The following MAN2A1 variants were observed in gnomAD, a reference collection of about 807,000 sequenced individuals.
MAN2A1 encodes the protein alpha-mannosidase 2.
In MAN2A1, 76 loss-of-function variants were observed where a neutral mutation model predicts 142.6. The ratio of observed to expected loss-of-function variants is 0.53; its 90% CI spans 0.44 to 0.65. The LOEUF (loss-of-function observed/expected upper bound fraction) is 0.65, where lower values mean the gene tolerates loss of function less well. Among genes scored for constraint, MAN2A1 ranks in the 30% least tolerant of loss-of-function variants. The pLI, the probability that MAN2A1 is intolerant of heterozygous loss-of-function variation, is 0.00. For synonymous variants in MAN2A1, 559 were observed against 473.2 expected (o/e 1.18, Z -2.35); for missense variants, 1,311 against 1,365.1 (o/e 0.96, Z 0.62).
intron 5 of MAN2A1, among the ~76,000 whole-genome samples, chr5:109,761,901 A>G (rs1030713582): frequency 1.2e-4 from 19 of 152,064 alleles, no homozygotes; most frequent in African/African-American, 4.3e-4. Flanking sequence ...TCTTATCAAC[A>G]TTTTAATTAC....
chr5:109,721,224 T>C (rs1261758934), intron 3 of MAN2A1, among the ~76,000 whole-genome samples: 1 of 152,224 alleles, frequency 6.6e-6, no homozygotes, highest in Admixed American at 6.5e-5. Context: ...TGCCTGATTG[T>C]AAAATCTGTG....
At chr5:109,723,284 A>T (rs981594348) in intron 3 of MAN2A1, among the ~76,000 whole-genome samples, 1 of 152,196 alleles carries the variant, frequency 6.6e-6, no homozygotes, top group African/African-American at 2.4e-5. Context: ...AAACTATTAA[A>T]TGACACTGAA....
At chr5:109,711,590 C>T (rs746798037) in intron 1 of MAN2A1, among the ~76,000 whole-genome samples, 6 of 152,140 alleles carry the variant, frequency 3.9e-5, no homozygotes, top group East Asian at 1.9e-4. Flanking sequence ...GTTTATAGGA[C>T]GATACTACTC....
At chr5:109,789,792 A>G (rs1753691115) in intron 12 of MAN2A1, among the ~76,000 whole-genome samples, 2 of 151,850 alleles carry the variant, frequency 1.3e-5, no homozygotes, top group Non-Finnish European at 2.9e-5. Context: ...ATAGCTTATA[A>G]AACATTTTCT....
chr5:109,718,514 C>G (rs774216368), intron 3 of MAN2A1, among the ~76,000 whole-genome samples: 10 of 152,166 alleles, frequency 6.6e-5, no homozygotes, highest in Admixed American at 2.6e-4. Flanking sequence ...GACAATTTAC[C>G]TGGATCTCCC....
intron 12 of MAN2A1, among the ~76,000 whole-genome samples, chr5:109,790,314 T>A (rs1451251749): frequency 6.6e-6 from 1 of 151,846 alleles, no homozygotes; most frequent in Non-Finnish European, 1.5e-5. Context: ...TTTATTAAAA[T>A]TATTTAAAAA....
intron 16 of MAN2A1, among the ~76,000 whole-genome samples, chr5:109,826,974 C>T (rs1754775945): frequency 6.6e-6 from 1 of 152,190 alleles, no homozygotes; most frequent in African/African-American, 2.4e-5. Context: ...TGGCTTTTAG[C>T]TAGTATTGCA....
Position 109,867,157 on chromosome 5 carries a change from GAAAAAAA to G in MAN2A1, c.*174_*180del, listed in dbSNP as rs11351742. 5.3e-5 allele frequency: 5 copies of G among 93,820 alleles called. No individual in the cohort carries two copies. Among genetic ancestry groups the G allele is most frequent in the East Asian group, 6.8e-4 (2 of 2,942 alleles). The allele number at this position is 93,820 out of a possible 1,614,324, so 5.8% of individuals were successfully genotyped here. A position where few individuals can be genotyped will look rare whatever the true frequency, so the allele number is the denominator to read the frequency against. On this transcript the variant is annotated 3_prime_UTR_variant, in exon 22 of 22. Coordinates refer to ENST00000261483, the MANE Select transcript of MAN2A1 (RefSeq NM_002372.4). ...CTTTTTTCTTTTACCAGTACAGTAA[GAAAAAAA>G]AAAAAAAAAAAAAAGCCATGCTATC...
chr5:109,827,112 T>C (rs1754779505), intron 16 of MAN2A1, among the ~76,000 whole-genome samples: 3 of 152,224 alleles, frequency 2.0e-5, no homozygotes, highest in Non-Finnish European at 4.4e-5. Context: ...TAGAGCCTAT[T>C]TGTTGTTAGT....
chr5:109,715,522 A>G (rs566976353), intron 2 of MAN2A1, among the ~76,000 whole-genome samples: 1 of 152,190 alleles, frequency 6.6e-6, no homozygotes, highest in East Asian at 1.9e-4. Flanking sequence ...AGGATACATA[A>G]AAGCTAAATC....
chr5:109,741,595 G>A (rs1017770686), intron 4 of MAN2A1, among the ~76,000 whole-genome samples: 1 of 152,134 alleles, frequency 6.6e-6, no homozygotes, highest in African/African-American at 2.4e-5. Context: ...GTTAATTCCA[G>A]CAGAGTTCCA....
Position 109,690,350 on chromosome 5 carries a change from C to G in MAN2A1, c.-68C>G. The G allele has an allele frequency of 6.3e-7, 1 of 1,580,038 alleles. No homozygotes were observed. The highest frequency in any genetic ancestry group is 1.1e-5 in the South Asian group (1 of 90,284). On this transcript the variant is annotated 5_prime_UTR_variant, in exon 1 of 22. Coordinates refer to ENST00000261483, the MANE Select transcript of MAN2A1 (RefSeq NM_002372.4). Reference sequence around the variant, plus strand: ...GAAGGGAGCCTCCGGCGGCTGCTTCCTAGAGTCCACAGTGCGCTGTCTCCT... The same window carrying G: ...GAAGGGAGCCTCCGGCGGCTGCTTCGTAGAGTCCACAGTGCGCTGTCTCCT...
intron 20 of MAN2A1, among the ~76,000 whole-genome samples, chr5:109,860,571 T>C (rs1755729922): frequency 6.6e-6 from 1 of 152,218 alleles, no homozygotes; most frequent in African/African-American, 2.4e-5. Context: ...GGCCCCTCTC[T>C]TCCCCACAAA....
intron 4 of MAN2A1, among the ~76,000 whole-genome samples, chr5:109,735,229 A>T (rs1752053736): frequency 6.6e-6 from 1 of 151,864 alleles, no homozygotes; most frequent in Admixed American, 6.6e-5. Flanking sequence ...TGCTTGGTAG[A>T]TCTTCCTCCA....
intron 4 of MAN2A1, among the ~76,000 whole-genome samples, chr5:109,741,745 C>G (rs565286855): frequency 2.0e-5 from 3 of 152,294 alleles, no homozygotes; most frequent in Admixed American, 2.0e-4. Flanking sequence ...TATTATTCAA[C>G]TCTATAAGCT....
At chr5:109,799,562 C>T (rs1170453967) in intron 12 of MAN2A1, among the ~76,000 whole-genome samples, 1 of 152,034 alleles carries the variant, frequency 6.6e-6, no homozygotes, top group Non-Finnish European at 1.5e-5. Context: ...TGAGACCAGC[C>T]TGACCAATAT....
intron 9 of MAN2A1, 52 bp downstream of exon 9, chr5:109,781,650 A>C: frequency 7.9e-7 from 1 of 1,271,626 alleles, no homozygotes; most frequent in East Asian, 2.4e-5. Flanking sequence ...ATATTATCAT[A>C]ATCTTTTTGT....
chr5:109,778,275 T>G (rs1370792811), intron 8 of MAN2A1, among the ~76,000 whole-genome samples: 1 of 152,080 alleles, frequency 6.6e-6, no homozygotes, highest in African/African-American at 2.4e-5. Flanking sequence ...TATTTTTAGT[T>G]ATTTGTGGAT....
intron 8 of MAN2A1, among the ~76,000 whole-genome samples, chr5:109,781,031 TA>T (rs1435533907): frequency 6.6e-6 from 1 of 152,224 alleles, no homozygotes; most frequent in Non-Finnish European, 1.5e-5. Flanking sequence ...ATATGTCTTT[TA>T]TTTTTGCTGC....
Sources: allele counts gnomAD v4.1 joint callset (sites outside exome capture counted in the v4.1 genomes callset), GRCh38; gene constraint gnomAD v4.1.1; transcripts MANE v1.5; gene names NCBI Gene and HGNC (gene_info 2026-07-23, HGNC 2026-07-21).